Variants in DPP10 observed in about 807,000 individuals in gnomAD.
The protein encoded by DPP10 is dipeptidyl peptidase like 10, also known as inactive dipeptidyl peptidase 10.
A neutral mutation model predicts 120.9 loss-of-function variants in DPP10; 33 were observed. The observed-to-expected ratio is 0.27, with a 90% confidence interval of 0.21 to 0.37. The LOEUF (loss-of-function observed/expected upper bound fraction) is 0.37. Among genes scored for constraint, DPP10 ranks in the 10% least tolerant of loss-of-function variants. The pLI, the probability that DPP10 is intolerant of heterozygous loss-of-function variation, is 1.00. For synonymous variants in DPP10, 337 were observed against 326.1 expected, an observed-to-expected ratio of 1.03 and a Z score of -0.36; for missense variants, 816 against 942.8, an observed-to-expected ratio of 0.87 and a Z score of 1.76.
intron 19 of DPP10, among the ~76,000 whole-genome samples, chr2:115,800,736 A>C (rs1685121136): frequency 6.6e-6 from 1 of 152,154 alleles, no homozygotes; most frequent in Non-Finnish European, 1.5e-5. Flanking sequence ...GTCAAAGATC[A>C]GATAGTTGTA....
chr2:114,663,998 A>G (rs1697699751), intron 1 of DPP10, among the ~76,000 whole-genome samples: 3 of 152,034 alleles, frequency 2.0e-5, no homozygotes. Flanking sequence ...AGTGTGCATC[A>G]TCTGCAGACA....
chr2:115,806,139 G>A (rs77264725), intron 19 of DPP10, among the ~76,000 whole-genome samples: 2,765 of 152,186 alleles, frequency 0.018, 83 homozygotes, highest in African/African-American at 0.061. Context: ...CATAATTAGA[G>A]CTTAATAAAT....
At chr2:115,299,300 A>G (rs1020360633) in intron 1 of DPP10, among the ~76,000 whole-genome samples, 1 of 152,102 alleles carries the variant, frequency 6.6e-6, no homozygotes, top group Non-Finnish European at 1.5e-5. Flanking sequence ...GCCAGCACCA[A>G]GTTCTGGGCA....
chr2:115,524,239 G>C (rs1900750), intron 4 of DPP10, among the ~76,000 whole-genome samples: 26,711 of 152,018 alleles, frequency 0.18, 3,214 homozygotes, highest in East Asian at 0.39. Flanking sequence ...GCCAGTCCCT[G>C]GTCCCAATGG....
intron 1 of DPP10, among the ~76,000 whole-genome samples, chr2:114,587,322 T>C (rs1325996338): frequency 3.6e-4 from 39 of 108,566 alleles, no homozygotes; most frequent in African/African-American, 1.2e-3. Context: ...AAAAAAAAAA[T>C]ACACACACAC....
intron 1 of DPP10, among the ~76,000 whole-genome samples, chr2:115,015,146 A>G (rs1441763416): frequency 6.6e-6 from 1 of 152,192 alleles, no homozygotes; most frequent in African/African-American, 2.4e-5. Flanking sequence ...CAAAAATCTT[A>G]TCCACCACGA....
At chr2:115,304,158 T>G (rs1362232370) in intron 1 of DPP10, among the ~76,000 whole-genome samples, 1 of 152,038 alleles carries the variant, frequency 6.6e-6, no homozygotes, top group African/African-American at 2.4e-5. Flanking sequence ...TTCAAACTTT[T>G]GAGCTATTTA....
chr2:114,450,439 T>G (rs1007745573), intron 1 of DPP10, among the ~76,000 whole-genome samples: 1 of 152,090 alleles, frequency 6.6e-6, no homozygotes, highest in African/African-American at 2.4e-5. Flanking sequence ...TTTTTTTTAC[T>G]TTTGTTAATC....
chr2:115,281,143 C>A (rs1289265825), intron 1 of DPP10, among the ~76,000 whole-genome samples: 8 of 152,116 alleles, frequency 5.3e-5, no homozygotes, highest in Admixed American at 5.2e-4. Context: ...TCCCACTGTT[C>A]ACTCTAGGAT....
At chr2:115,755,130 A>G (rs893910800) in intron 11 of DPP10, among the ~76,000 whole-genome samples, 4 of 152,088 alleles carry the variant, frequency 2.6e-5, no homozygotes, top group African/African-American at 7.2e-5. Flanking sequence ...GGCAACTACT[A>G]TTCTGAGGTC....
chr2:115,421,302 G>A (rs1286530495), intron 3 of DPP10, among the ~76,000 whole-genome samples: 1 of 152,058 alleles, frequency 6.6e-6, no homozygotes, highest in East Asian at 1.9e-4. Context: ...CAGCTGCCAT[G>A]TTCAGTGGTT....
intron 1 of DPP10, among the ~76,000 whole-genome samples, chr2:115,134,408 G>A (rs986464596): frequency 3.3e-5 from 5 of 152,122 alleles, no homozygotes; most frequent in Admixed American, 2.0e-4. Flanking sequence ...GGTGCACGTC[G>A]TAGACTGCCT....
chr2:114,673,698 T>C (rs1402482535), intron 1 of DPP10, among the ~76,000 whole-genome samples: 1 of 152,098 alleles, frequency 6.6e-6, no homozygotes, highest in East Asian at 1.9e-4. Flanking sequence ...TCAGGTAATC[T>C]GCCTGTCTCG....
chr2:115,050,988 T>A (rs1705435371), intron 1 of DPP10, among the ~76,000 whole-genome samples: 1 of 152,160 alleles, frequency 6.6e-6, no homozygotes, highest in Non-Finnish European at 1.5e-5. Flanking sequence ...ACAATCACCA[T>A]AACAAACAGA....
At chr2:115,401,436 T>C (rs1275014119) in intron 3 of DPP10, among the ~76,000 whole-genome samples, 1 of 152,064 alleles carries the variant, frequency 6.6e-6, no homozygotes, top group Non-Finnish European at 1.5e-5. Context: ...TTTTAAAATG[T>C]ATCTGGGCTA....
intron 17 of DPP10, among the ~76,000 whole-genome samples, chr2:115,783,456 TAAA>T (rs1249157121): frequency 6.6e-6 from 1 of 152,066 alleles, no homozygotes; most frequent in South Asian, 2.1e-4. Flanking sequence ...GATATATAGG[TAAA>T]AAAGTGTAAG....
At chr2:115,112,196 A>G (rs931752138) in intron 1 of DPP10, among the ~76,000 whole-genome samples, 4 of 152,142 alleles carry the variant, frequency 2.6e-5, no homozygotes, top group African/African-American at 9.6e-5. Flanking sequence ...AGAATATTGT[A>G]TATTTTTTCC....
intron 1 of DPP10, among the ~76,000 whole-genome samples, chr2:114,471,975 G>A (rs1425185061): frequency 6.6e-6 from 1 of 152,130 alleles, no homozygotes; most frequent in Non-Finnish European, 1.5e-5. Context: ...AATAAAATGG[G>A]GCACTTTTTA....
intron 1 of DPP10, among the ~76,000 whole-genome samples, chr2:115,170,008 C>T (rs573703571): frequency 8.5e-5 from 13 of 152,226 alleles, no homozygotes; most frequent in Admixed American, 5.9e-4. Context: ...ATCTGTATTA[C>T]GTAATCAAGA....
Sources: allele counts gnomAD v4.1 joint callset (sites outside exome capture counted in the v4.1 genomes callset), GRCh38; gene constraint gnomAD v4.1.1; transcripts MANE v1.5; gene names NCBI Gene and HGNC (gene_info 2026-07-23, HGNC 2026-07-21).